MTMR1: variants seen among roughly 807,000 people sequenced by gnomAD.
The protein encoded by MTMR1 is myotubularin related protein 1, also known as phosphatidylinositol-3-phosphate phosphatase MTMR1.
In MTMR1, 17 loss-of-function variants were observed where a neutral mutation model predicts 51.6. The observed-to-expected ratio is 0.33, with a 90% CI of 0.23 to 0.49. The LOEUF (loss-of-function observed/expected upper bound fraction) is 0.49, where lower values mean the gene tolerates loss of function less well. Among genes scored for constraint, MTMR1 ranks in the 20% least tolerant of loss-of-function variants. The pLI, the probability that MTMR1 is intolerant of heterozygous loss-of-function variation, is 0.99. For missense variants in MTMR1, 386 were observed against 526.9 expected, an observed-to-expected ratio of 0.73 and a Z score of 2.62; for synonymous variants, 201 against 205.6, an observed-to-expected ratio of 0.98 and a Z score of 0.19.
chrX:150,697,945 C>A (rs2040738743), intron 1 of MTMR1, among the ~76,000 whole-genome samples: 1 of 111,727 alleles, frequency 9.0e-6, no homozygotes, highest in Admixed American at 9.5e-5. Flanking sequence ...GATTTTCTCT[C>A]CTCAAAGACA....
chrX:150,762,468 G>C, intron 15 of MTMR1, 97 bp from the exon 16 acceptor site: 2 of 1,093,708 alleles, frequency 1.8e-6, no homozygotes, highest in Non-Finnish European at 2.5e-6. Flanking sequence ...CAGGAGTCTG[G>C]ATGGTGAAAA....
At chrX:150,720,045 A>T (rs1557416544) in intron 4 of MTMR1, among the ~76,000 whole-genome samples, 2 of 112,232 alleles carry the variant, frequency 1.8e-5, no homozygotes, top group Non-Finnish European at 1.9e-5. Flanking sequence ...AAGTGATGTA[A>T]ATATGCTTTA....
chrX:150,753,509 C>G (rs1557417657), intron 14 of MTMR1, among the ~76,000 whole-genome samples: 1 of 112,395 alleles, frequency 8.9e-6, no homozygotes, highest in East Asian at 2.8e-4. Context: ...TTATAGCCAT[C>G]CTAGTGAGTG....
rs1006288794 is a variant in MTMR1 at position 150,760,072 on chromosome X, G to C, written c.1858-2493G>C. ...AGTGCACTGTGCTCGGAGGGTAGTA[G>C]GTGTGTGGTCCTGCTTTTTGCATTC... On this transcript the variant is annotated intron_variant, in intron 15 of 15. Coordinates refer to ENST00000445323, the MANE Select transcript of MTMR1 (RefSeq NM_001306144.3). Among the ~76,000 whole-genome samples the C allele has an allele frequency of 2.7e-5, 3 of 109,454 alleles. 1 individual carries two copies. Among genetic ancestry groups the C allele is most frequent in the East Asian group, 2.8e-4 (1 of 3,570 alleles).
intron 10 of MTMR1, among the ~76,000 whole-genome samples, chrX:150,734,150 G>A (rs1046153023): frequency 1.4e-4 from 16 of 112,247 alleles, no homozygotes; most frequent in East Asian, 8.4e-4. Context: ...CTCTTCTTCC[G>A]TCATCACATG....
rs782343900 is a variant in MTMR1 at position 150,693,912 on chromosome X, C to T, written c.146+236C>T. Among the ~76,000 whole-genome samples, 3 of 111,234 alleles carry T rather than the reference C, an allele frequency of 2.7e-5. No individual in the cohort carries two copies. The South Asian group carries it at 1.1e-3, about 42-fold the overall frequency. On this transcript the variant is annotated intron_variant, in intron 1 of 15. Transcript: ENST00000445323. ...CCGCGCACCTGGCTCACTTCCGCCC[C>T]GAGAGCCCCAGCTCCTGGAACCCCG...
At chrX:150,717,379 A>T (rs1490192469) in intron 3 of MTMR1, among the ~76,000 whole-genome samples, 16 of 99,991 alleles carry the variant, frequency 1.6e-4, no homozygotes, top group African/African-American at 5.7e-4. Context: ...AAAAAAAAAA[A>T]AAAGGAGAAG....
At chrX:150,723,425 G>A (rs903795202) in intron 4 of MTMR1, among the ~76,000 whole-genome samples, 1 of 109,440 alleles carries the variant, frequency 9.1e-6, no homozygotes, top group Non-Finnish European at 1.9e-5. Flanking sequence ...CTGAGGAATC[G>A]CCACACTGAC....
At chrX:150,706,018 A>G (rs2041089283) in intron 2 of MTMR1, among the ~76,000 whole-genome samples, 1 of 111,618 alleles carries the variant, frequency 9.0e-6, no homozygotes. Flanking sequence ...TGGGTAATTT[A>G]TAAAGAAAAT....
chrX:150,707,020 T>A (rs2148566325), intron 2 of MTMR1, among the ~76,000 whole-genome samples: 1 of 107,882 alleles, frequency 9.3e-6, no homozygotes, highest in East Asian at 2.9e-4. Context: ...TTTCAACAAA[T>A]ACTGCTGGAG....
intron 12 of MTMR1, among the ~76,000 whole-genome samples, chrX:150,737,777 C>T (rs909202835): frequency 5.4e-5 from 6 of 111,988 alleles, no homozygotes; most frequent in Admixed American, 3.8e-4. Context: ...AGTTTGAAAA[C>T]ATACTCTGGC....
At chrX:150,712,607 T>G in intron 3 of MTMR1, 1 of 364,441 alleles carries the variant, frequency 2.7e-6, no homozygotes, top group Non-Finnish European at 4.8e-6. Context: ...GTTACCAGTG[T>G]GCAATACTGA....
At chrX:150,712,680 G>A (rs2041354436) in intron 3 of MTMR1, 1 of 253,424 alleles carries the variant, frequency 3.9e-6, no homozygotes, top group Non-Finnish European at 7.1e-6. Flanking sequence ...ATAAGGCTGG[G>A]GCTACTGAGG....
At chrX:150,694,261 A>G (rs1050439352) in intron 1 of MTMR1, among the ~76,000 whole-genome samples, 1 of 111,935 alleles carries the variant, frequency 8.9e-6, no homozygotes, top group Non-Finnish European at 1.9e-5. Context: ...ATTTACTTTC[A>G]GTTCTTCACA....
rs1455597193 is a variant in MTMR1, at chrX:150,742,740, C to T, written c.1474-1621C>T. On this transcript the variant is annotated intron_variant, in intron 12 of 15. Coordinates refer to ENST00000445323, the MANE Select transcript of MTMR1 (RefSeq NM_001306144.3). Reference sequence around the variant, plus strand: ...GCTGAGGCAGGAGAATGGTGTGAACCTGGGAGGCAGAGCTTGCAGTGAGCC... The same window carrying T: ...GCTGAGGCAGGAGAATGGTGTGAACTTGGGAGGCAGAGCTTGCAGTGAGCC... 2.9e-5 allele frequency among the ~76,000 whole-genome samples: 3 copies of T among 102,691 alleles called. No individual in the cohort carries two copies. The East Asian group carries it at 9.1e-4, about 31-fold the overall frequency. The allele number at this position is 102,691 out of a possible 115,157, so 89.2% of individuals were successfully genotyped here.
At chrX:150,756,739 C>T (rs1181088241) in intron 15 of MTMR1, among the ~76,000 whole-genome samples, 2 of 112,423 alleles carry the variant, frequency 1.8e-5, no homozygotes, top group African/African-American at 6.5e-5. Flanking sequence ...CAACCCCTGC[C>T]TCCCAGGCTC....
intron 3 of MTMR1, among the ~76,000 whole-genome samples, chrX:150,715,283 G>A (rs1350602175): frequency 8.9e-6 from 1 of 111,956 alleles, no homozygotes; most frequent in East Asian, 2.8e-4. Flanking sequence ...GTAGCGGAGA[G>A]GCCAGGGTTG....
Position 150,765,040 on chromosome X carries a change from TATA to T in MTMR1, c.*2312_*2314del, listed in dbSNP as rs2043259066. 1 of 110,640 alleles carries T rather than the reference TATA, an allele frequency of 9.0e-6. No individual in the cohort carries two copies. Among genetic ancestry groups the T allele is most frequent in the Non-Finnish European group, 1.9e-5 (1 of 52,450 alleles). 9.1% of individuals were successfully genotyped at this position (110,640 alleles called of 1,213,427 possible). ...TTTACTGTGCGTCAAGCACAGTTAA[TATA>T]TGATGATGTAAAGTAACTAACTTTA... On this transcript the variant is annotated 3_prime_UTR_variant, in exon 16 of 16. Transcript: ENST00000445323.
intron 2 of MTMR1, among the ~76,000 whole-genome samples, chrX:150,707,833 A>G (rs781847688): frequency 1.7e-4 from 19 of 112,552 alleles, no homozygotes; most frequent in African/African-American, 6.1e-4. Context: ...GATGTTCTTC[A>G]TCAGGTATAT....
Sources: gnomAD v4.1 joint callset for allele counts (sites outside exome capture counted in the v4.1 genomes callset) on GRCh38, gnomAD v4.1.1 for gene constraint, MANE v1.5 for transcripts, NCBI Gene and HGNC (gene_info 2026-07-23, HGNC 2026-07-21) for gene names.